The following PLA2R1 variants were observed in gnomAD, a reference collection of about 807,000 sequenced individuals.
The protein encoded by PLA2R1 is phospholipase A2 receptor 1.
A neutral mutation model predicts 195.9 loss-of-function variants in PLA2R1; 158 were observed. The ratio of observed to expected loss-of-function variants is 0.81; its 90% CI spans 0.71 to 0.92. The LOEUF (loss-of-function observed/expected upper bound fraction) is 0.92. PLA2R1 is among the 40% of genes least tolerant of loss of function. The probability of loss-of-function intolerance (pLI) is 0.00; values close to 1 mark genes in which losing one functional copy is unlikely to be tolerated. For missense variants in PLA2R1, 1,626 were observed against 1,764.6 expected (o/e 0.92, Z 1.41); for synonymous variants, 586 against 598.2 (o/e 0.98, Z 0.30).
chr2:160,009,089 C>T (rs1224903123), intron 10 of PLA2R1, among the ~76,000 whole-genome samples: 2 of 152,304 alleles, frequency 1.3e-5, no homozygotes, highest in South Asian at 2.1e-4. Context: ...AAACTGGAAC[C>T]TTTATGCACT....
chr2:159,976,960 C>T (rs1689604965), intron 15 of PLA2R1, among the ~76,000 whole-genome samples: 1 of 152,228 alleles, frequency 6.6e-6, no homozygotes, highest in Admixed American at 6.5e-5. Context: ...GTGTGCCACA[C>T]ACTGTCCCAG....
In PLA2R1 at chr2:159,951,376, TAGCCG is replaced by T; in HGVS notation, c.3499_3503del (p.Leu1168IlefsTer12). 6.2e-7 allele frequency: 1 copy of T among 1,613,110 alleles called. No homozygotes were observed. Among genetic ancestry groups the T allele is most frequent in the Non-Finnish European group, 8.5e-7 (1 of 1,179,052 alleles). On this transcript the variant is annotated frameshift_variant, in exon 24 of 30. Coordinates refer to ENST00000283243, the MANE Select transcript of PLA2R1 (RefSeq NM_007366.5). LOFTEE classifies it high-confidence loss of function. ...ACAGTCCAATCCAGTGGGCATATCC[TAGCCG>T]GTTGAGGACAACAGTGAGGAAGGAC...
intron 20 of PLA2R1, among the ~76,000 whole-genome samples, chr2:159,961,153 G>A (rs887297399): frequency 1.3e-5 from 2 of 152,194 alleles, no homozygotes; most frequent in Non-Finnish European, 2.9e-5. Context: ...TGAGACAAAG[G>A]AGAGAAACTC....
At chr2:159,984,185 G>A (rs921489892) in intron 12 of PLA2R1, 112 bp from the exon 13 acceptor site, 27 of 541,020 alleles carry the variant, frequency 5.0e-5, no homozygotes, top group Non-Finnish European at 8.5e-5. Context: ...TATTTATAAA[G>A]AGCTTGATCT....
chr2:160,031,394 G>A (rs1269785777), intron 4 of PLA2R1, among the ~76,000 whole-genome samples: 5 of 151,704 alleles, frequency 3.3e-5, no homozygotes, highest in Non-Finnish European at 7.4e-5. Context: ...TACAGATACG[G>A]GCAAATGTTC....
chr2:159,927,914 T>G (rs2125896229), downstream of PLA2R1, among the ~76,000 whole-genome samples: 1 of 152,324 alleles, frequency 6.6e-6, no homozygotes, highest in Non-Finnish European at 1.5e-5. Flanking sequence ...CAAAGAATAT[T>G]TCTAAGTCTT....
At chr2:160,038,588 T>C (rs1573951055) in intron 3 of PLA2R1, among the ~76,000 whole-genome samples, 1 of 152,098 alleles carries the variant, frequency 6.6e-6, no homozygotes, top group African/African-American at 2.4e-5. Context: ...GCAGGTAGGC[T>C]TAAAGGTGAG....
intron 11 of PLA2R1, among the ~76,000 whole-genome samples, chr2:159,995,798 G>A (rs558716792): frequency 8.9e-5 from 13 of 145,614 alleles, no homozygotes; most frequent in Admixed American, 4.0e-4. Flanking sequence ...AAAATTGAGC[G>A]CAAAATACAG....
intron 4 of PLA2R1, among the ~76,000 whole-genome samples, 189 bp downstream of exon 4, chr2:160,032,770 C>T (rs963581571): frequency 6.6e-6 from 1 of 152,126 alleles, no homozygotes; most frequent in Non-Finnish European, 1.5e-5. Context: ...ATAAGAAAGA[C>T]ATCACTGGAT....
chr2:160,045,301 C>T (rs547395783), intron 1 of PLA2R1, 144 bp from the exon 2 acceptor site: 1 of 639,710 alleles, frequency 1.6e-6, no homozygotes, highest in African/African-American at 1.8e-5. Flanking sequence ...GCAGGGTCCA[C>T]CTGAAGGGCT....
At position 159,967,494 on chromosome 2, in the gene PLA2R1, G is replaced by T. The variant is rs776717764; in HGVS notation, c.2904+45C>A. 6 of 1,539,422 alleles carry T rather than the reference G, an allele frequency of 3.9e-6. No individual in the cohort carries two copies. The African/African-American group carries it at 5.5e-5, about 14-fold the overall frequency. The stretch of plus-strand genomic sequence containing the variant: ...TTTTTGAACACTTTCCAAAATTAGT[G>T]TCTACAAAAGAGAAACAAAGGCAAC... On this transcript the variant is annotated intron_variant, in intron 20 of 29. Coordinates refer to ENST00000283243, the MANE Select transcript of PLA2R1 (RefSeq NM_007366.5).
chr2:159,982,425 C>A lies in PLA2R1; in HGVS notation c.2183+1503G>T, dbSNP rs746737166. ...GTCATGGCCTCATGTCAGCATTTCC[C>A]GTAGGGACTAGCAGTTCTGTGGGAT... is the stretch of plus-strand genomic sequence containing the variant. On this transcript the variant is annotated intron_variant, in intron 13 of 29. Coordinates refer to ENST00000283243, the MANE Select transcript of PLA2R1 (RefSeq NM_007366.5). 3.3e-5 allele frequency among the ~76,000 whole-genome samples: 5 copies of A among 152,110 alleles called. No individual in the cohort carries two copies. The East Asian group carries it at 9.6e-4, about 29-fold the overall frequency.
chr2:160,048,872 G>A (rs1342962684), intron 1 of PLA2R1, among the ~76,000 whole-genome samples: 1 of 133,978 alleles, frequency 7.5e-6, no homozygotes, highest in Non-Finnish European at 1.5e-5. Context: ...ACAGAGTCTC[G>A]CTCTGTCACC....
At chr2:159,946,532 A>G in intron 27 of PLA2R1, 1 of 1,116,728 alleles carries the variant, frequency 9.0e-7, no homozygotes. Context: ...CTGTGAACAC[A>G]AAGTTCCAGC....
chr2:159,963,798 G>A (rs1423707357), intron 20 of PLA2R1, among the ~76,000 whole-genome samples: 1 of 152,126 alleles, frequency 6.6e-6, no homozygotes, highest in Non-Finnish European at 1.5e-5. Flanking sequence ...TGGTTTGGTC[G>A]CTGTGGAAGA....
intron 13 of PLA2R1, among the ~76,000 whole-genome samples, chr2:159,980,179 T>C (rs1418361605): frequency 1.3e-5 from 2 of 152,210 alleles, no homozygotes; most frequent in Non-Finnish European, 2.9e-5. Context: ...AACCCTGTGC[T>C]GTGACATGAA....
chr2:159,950,205 G>C (rs1687650428), intron 24 of PLA2R1, among the ~76,000 whole-genome samples: 1 of 152,152 alleles, frequency 6.6e-6, no homozygotes, highest in Non-Finnish European at 1.5e-5. Flanking sequence ...CTGACTACAT[G>C]AAGTTAAAAC....
In PLA2R1 at chr2:159,936,747, T is replaced by C. The variant is rs1394828904; in HGVS notation, c.*5031A>G. 4.6e-5 allele frequency: 7 copies of C among 152,238 alleles called. No individual in the cohort carries two copies. The highest frequency in any genetic ancestry group is 1.4e-4 in the African/African-American group (6 of 41,458). The allele number at this position is 152,238 out of a possible 1,614,324, so 9.4% of individuals were successfully genotyped here. ...CAGTTCTCTAGTGCCATAGCAGCAC[T>C]GGAAGCCCCATGTTCTGGAGGTAGG... On this transcript the variant is annotated 3_prime_UTR_variant, in exon 30 of 30. Transcript: ENST00000283243.
rs116484327 is a variant in PLA2R1, at chr2:160,027,676, A to G, written c.1099+542T>C. On this transcript the variant is annotated intron_variant, in intron 6 of 29. Transcript: ENST00000283243. ...AGACATTAATTCTCAGAGAAACTAA[A>G]AAGAGGTTATAGACCTGAAAAACAG... 4.4e-3 allele frequency among the ~76,000 whole-genome samples: 663 copies of G among 152,302 alleles called. 6 individuals are homozygous for G. The highest frequency in any genetic ancestry group is 0.015 in the African/African-American group (637 of 41,566).
Sources: allele counts gnomAD v4.1 joint callset (sites outside exome capture counted in the v4.1 genomes callset), GRCh38; gene constraint gnomAD v4.1.1; transcripts MANE v1.5; gene names NCBI Gene and HGNC (gene_info 2026-07-23, HGNC 2026-07-21).